Variants in CDH13 observed in about 807,000 individuals in gnomAD.
CDH13 encodes cadherin 13.
CDH13 carries 24 observed loss-of-function variants against 63.8 expected under a neutral mutation model. That is an observed-to-expected ratio of 0.38 (90% CI 0.27 to 0.53). The LOEUF is 0.53. CDH13 is among the 20% of genes least tolerant of loss of function. The probability of loss-of-function intolerance (pLI) is 0.85; values close to 1 mark genes in which losing one functional copy is unlikely to be tolerated. For synonymous variants in CDH13, 503 were observed against 355.3 expected, an observed-to-expected ratio of 1.42 and a Z score of -4.67; for missense variants, 1,049 against 903.1, an observed-to-expected ratio of 1.16 and a Z score of -2.07.
chr16:83,075,482 CAG>C (rs1216088230), intron 3 of CDH13, among the ~76,000 whole-genome samples: 1 of 152,142 alleles, frequency 6.6e-6, no homozygotes, highest in Non-Finnish European at 1.5e-5. Context: ...ATGGCCTAGG[CAG>C]AGTCTGATAA....
At chr16:82,906,414 T>A (rs1306447672) in intron 2 of CDH13, among the ~76,000 whole-genome samples, 3 of 152,188 alleles carry the variant, frequency 2.0e-5, no homozygotes, top group African/African-American at 4.8e-5. Flanking sequence ...AGGAAACCCC[T>A]TGAAGCAATC....
chr16:82,788,309 A>C (rs35683760), intron 1 of CDH13, among the ~76,000 whole-genome samples: 3 of 151,970 alleles, frequency 2.0e-5, no homozygotes, highest in Admixed American at 2.0e-4. Context: ...GCTCGTTACT[A>C]CCCATTACAT....
At chr16:83,352,913 G>T (rs1005307188) in intron 6 of CDH13, among the ~76,000 whole-genome samples, 2 of 152,096 alleles carry the variant, frequency 1.3e-5, no homozygotes, top group African/African-American at 4.8e-5. Context: ...AATAAATAAA[G>T]TATAAAATCA....
At chr16:83,762,607 A>T (rs1458912967) in intron 11 of CDH13, among the ~76,000 whole-genome samples, 1 of 152,096 alleles carries the variant, frequency 6.6e-6, no homozygotes, top group African/African-American at 2.4e-5. Context: ...GTCACAGGCG[A>T]TTTCTCGTAA....
chr16:83,015,657 ATG>A (rs145413477), intron 2 of CDH13, among the ~76,000 whole-genome samples: 108 of 82,060 alleles, frequency 1.3e-3, no homozygotes, highest in African/African-American at 4.8e-3. Flanking sequence ...TGCAGCATAT[ATG>A]TGTGTGTGTG....
At chr16:83,348,983 A>G (rs563529546) in intron 6 of CDH13, among the ~76,000 whole-genome samples, 1 of 152,324 alleles carries the variant, frequency 6.6e-6, no homozygotes, top group South Asian at 2.1e-4. Flanking sequence ...CGTCATTTTC[A>G]TGTCCCCATG....
At chr16:82,695,449 A>C (rs2030158664) in intron 1 of CDH13, among the ~76,000 whole-genome samples, 1 of 152,064 alleles carries the variant, frequency 6.6e-6, no homozygotes, top group Non-Finnish European at 1.5e-5. Flanking sequence ...CTATATCTCT[A>C]CCATTCATGG....
At chr16:83,586,754 A>C (rs1326977212) in intron 7 of CDH13, among the ~76,000 whole-genome samples, 1 of 152,144 alleles carries the variant, frequency 6.6e-6, no homozygotes, top group South Asian at 2.1e-4. Flanking sequence ...TGACTGTACC[A>C]GGCATAAAAT....
intron 2 of CDH13, among the ~76,000 whole-genome samples, chr16:83,014,227 C>T (rs1361715418): frequency 3.3e-5 from 5 of 150,814 alleles, no homozygotes; most frequent in African/African-American, 7.3e-5. Flanking sequence ...ACTAATACTA[C>T]ACTCTCTTCC....
At chr16:82,683,039 A>G (rs1914710738) in intron 1 of CDH13, among the ~76,000 whole-genome samples, 1 of 152,200 alleles carries the variant, frequency 6.6e-6, no homozygotes, top group Non-Finnish European at 1.5e-5. Flanking sequence ...AACTTAGCCA[A>G]GTTATTCAGT....
chr16:82,985,392 T>G (rs187816086), intron 2 of CDH13, among the ~76,000 whole-genome samples: 44 of 152,336 alleles, frequency 2.9e-4, no homozygotes, highest in Admixed American at 9.8e-4. Flanking sequence ...GTAGTTACTT[T>G]TGGAGGAAAA....
At chr16:83,354,007 C>G (rs2091007827) in intron 6 of CDH13, among the ~76,000 whole-genome samples, 2 of 152,138 alleles carry the variant, frequency 1.3e-5, no homozygotes, top group Admixed American at 6.5e-5. Context: ...AATTGAGTAA[C>G]TTAATTAAAA....
rs750512627 is a variant in CDH13, at chr16:83,217,517, G to A, written c.636+20G>A. On this transcript the variant is annotated intron_variant, in intron 5 of 13. Transcript: ENST00000567109. ...TATCAAGTGAGTACCCCTCTCCCAT[G>A]CCCACCCTGTGCGCAGAAATGTGGC... 1.2e-6 allele frequency: 2 copies of A among 1,606,346 alleles called. No homozygotes were observed. Among genetic ancestry groups the A allele is most frequent in the South Asian group, 2.2e-5 (2 of 90,388 alleles).
Position 83,631,444 on chromosome 16 carries a change from G to A in CDH13, c.1101+28850G>A, listed in dbSNP as rs147264061. 7.2e-5 allele frequency among the ~76,000 whole-genome samples: 11 copies of A among 152,222 alleles called. No homozygotes were observed. The East Asian group carries it at 2.1e-3, about 29-fold the overall frequency. On this transcript the variant is annotated intron_variant, in intron 8 of 13. Transcript: ENST00000567109. The stretch of plus-strand genomic sequence containing the variant: ...TGCTTGAACTCTGTGACCATCCTGT[G>A]ATTTCAAACACAGCTTGTCTTTTTC...
At chr16:82,957,610 C>T (rs1906314528) in intron 2 of CDH13, among the ~76,000 whole-genome samples, 1 of 152,170 alleles carries the variant, frequency 6.6e-6, no homozygotes. Context: ...ACATGCAGGG[C>T]AGTATACTTT....
intron 2 of CDH13, among the ~76,000 whole-genome samples, chr16:82,891,463 C>A (rs2041079099): frequency 6.6e-6 from 1 of 152,202 alleles, no homozygotes; most frequent in South Asian, 2.1e-4. Flanking sequence ...AAACTCAACA[C>A]ATTGTTGAAA....
intron 2 of CDH13, among the ~76,000 whole-genome samples, chr16:82,867,314 A>T (rs2040184058): frequency 6.6e-6 from 1 of 152,066 alleles, no homozygotes; most frequent in African/African-American, 2.4e-5. Flanking sequence ...ACATCAAGGA[A>T]ATTTGCCGGT....
At chr16:83,318,623 A>G (rs544843325) in intron 5 of CDH13, among the ~76,000 whole-genome samples, 1 of 152,328 alleles carries the variant, frequency 6.6e-6, no homozygotes, top group South Asian at 2.1e-4. Flanking sequence ...ACTTAGTGGC[A>G]GTTCGTGGCT....
At chr16:82,736,276 T>C (rs1567481165) in intron 1 of CDH13, among the ~76,000 whole-genome samples, 1 of 152,120 alleles carries the variant, frequency 6.6e-6, no homozygotes, top group Non-Finnish European at 1.5e-5. Context: ...ATTTATATAA[T>C]CCTTGAAACA....
Sources: gnomAD v4.1 joint callset for allele counts (sites outside exome capture counted in the v4.1 genomes callset) on GRCh38, gnomAD v4.1.1 for gene constraint, MANE v1.5 for transcripts, NCBI Gene and HGNC (gene_info 2026-07-23, HGNC 2026-07-21) for gene names.